USP15: variants seen among roughly 807,000 people sequenced by gnomAD.
USP15 encodes ubiquitin carboxyl-terminal hydrolase 15.
A neutral mutation model predicts 127.1 loss-of-function variants in USP15; 18 were observed. The observed-to-expected ratio is 0.14, with a 90% CI of 0.10 to 0.21. The LOEUF (loss-of-function observed/expected upper bound fraction) is 0.21. Ranked by LOEUF, USP15 falls within the 10% of genes least tolerant of loss-of-function variation. The probability of loss-of-function intolerance (pLI) is 1.00; values close to 1 mark genes in which losing one functional copy is unlikely to be tolerated. For missense variants in USP15, 805 were observed against 1,159.9 expected, an observed-to-expected ratio of 0.69 and a Z score of 4.44; for synonymous variants, 364 against 393.7, an observed-to-expected ratio of 0.92 and a Z score of 0.89.
intron 6 of USP15, among the ~76,000 whole-genome samples, chr12:62,342,499 A>T (rs1396945075): frequency 1.3e-5 from 2 of 151,928 alleles, no homozygotes; most frequent in African/African-American, 4.8e-5. Flanking sequence ...TGGCTTTTGG[A>T]ATTTTCAGCG....
chr12:62,287,485 G>T (rs763900269), intron 1 of USP15, among the ~76,000 whole-genome samples: 5 of 152,070 alleles, frequency 3.3e-5, no homozygotes, highest in Admixed American at 6.6e-5. Flanking sequence ...TTTGTTGGAG[G>T]CATAGATTAC....
intron 3 of USP15, among the ~76,000 whole-genome samples, chr12:62,310,103 T>A (rs1178363171): frequency 6.6e-6 from 1 of 152,020 alleles, no homozygotes; most frequent in Non-Finnish European, 1.5e-5. Flanking sequence ...TAGGTAAATT[T>A]AACAGGTTGC....
chr12:62,380,247 T>C (rs2137562751), intron 8 of USP15, among the ~76,000 whole-genome samples: 1 of 151,906 alleles, frequency 6.6e-6, no homozygotes, highest in East Asian at 1.9e-4. Flanking sequence ...ATAGAAAGTT[T>C]CTAAATAGAT....
rs200332560 is a variant in USP15, at chr12:62,410,848, T to G, written c.*6473T>G. On this transcript the variant is annotated 3_prime_UTR_variant, in exon 22 of 22. Transcript: ENST00000280377. ...GATGAGTCAAGTTAATATTTGTTTT[T>G]GTTTTTTTTTTTTTTTAATTTTGGG... 1.1e-5 allele frequency: 1 copy of G among 93,758 alleles called. No individual in the cohort carries two copies. Among genetic ancestry groups the G allele is most frequent in the African/African-American group, 3.6e-5 (1 of 28,156 alleles). The allele number at this position is 93,758 out of a possible 1,614,324, so 5.8% of individuals were successfully genotyped here. A position where few individuals can be genotyped will look rare whatever the true frequency, so the allele number is the denominator to read the frequency against.
intron 6 of USP15, among the ~76,000 whole-genome samples, chr12:62,331,775 T>C (rs2065310309): frequency 6.6e-6 from 1 of 152,130 alleles, no homozygotes; most frequent in Non-Finnish European, 1.5e-5. Context: ...AGTCATTTAG[T>C]TACAAAAAAA....
intron 1 of USP15, among the ~76,000 whole-genome samples, chr12:62,274,698 A>C (rs2063436797): frequency 6.6e-6 from 1 of 152,000 alleles, no homozygotes; most frequent in Non-Finnish European, 1.5e-5. Context: ...ACCCTGTCTC[A>C]AAGGAAGGAG....
Position 62,350,865 on chromosome 12 carries a change from A to G in USP15, c.770+1558A>G, listed in dbSNP as rs145154284. On this transcript the variant is annotated intron_variant, in intron 7 of 21. Transcript: ENST00000280377. The stretch of plus-strand genomic sequence containing the variant: ...GGTTTCGAACTCCTGGGCTCAAGCA[A>G]TCCTCCTGCCTCAGCCTCCCAAGTG... 3.8e-3 allele frequency among the ~76,000 whole-genome samples: 575 copies of G among 152,198 alleles called. 5 individuals carry two copies. Among genetic ancestry groups the G allele is most frequent in the African/African-American group, 0.013 (546 of 41,532 alleles).
At chr12:62,383,738 T>A (rs2067059228) in intron 9 of USP15, 102 bp from the exon 10 acceptor site, 1 of 1,308,194 alleles carries the variant, frequency 7.6e-7, no homozygotes, top group African/African-American at 1.5e-5. Context: ...AGCAGGCAAA[T>A]TCACAAATGT....
At chr12:62,360,483 C>T (rs964357995) in intron 8 of USP15, among the ~76,000 whole-genome samples, 1 of 151,962 alleles carries the variant, frequency 6.6e-6, no homozygotes, top group Non-Finnish European at 1.5e-5. Context: ...GATAGATCTT[C>T]ATTACATTGT....
chr12:62,370,336 G>A (rs1168477655), intron 8 of USP15, among the ~76,000 whole-genome samples: 1 of 152,120 alleles, frequency 6.6e-6, no homozygotes, highest in African/African-American at 2.4e-5. Context: ...GGAGACCCAT[G>A]ACCTTGAACA....
Position 62,391,471 on chromosome 12 carries a change from A to T in USP15, c.2233+42A>T, listed in dbSNP as rs117152329. On this transcript the variant is annotated intron_variant, in intron 16 of 21. Transcript: ENST00000280377. ...AATGGCTTGAACATTAAACAAGCCG[A>T]GCATGTTATTTTTTTTTTAGGTGAA... The T allele has an allele frequency of 5.7e-3, 8,911 of 1,570,106 alleles. 35 individuals are homozygous for T. The highest frequency in any genetic ancestry group is 6.5e-3 in the Non-Finnish European group (7,643 of 1,167,246).
At chr12:62,300,381 C>T (rs2064274756) in intron 2 of USP15, among the ~76,000 whole-genome samples, 1 of 152,014 alleles carries the variant, frequency 6.6e-6, no homozygotes, top group Admixed American at 6.6e-5. Context: ...TTAAGTTGTC[C>T]AGTAAGCTTT....
intron 4 of USP15, among the ~76,000 whole-genome samples, chr12:62,318,665 A>G (rs1244331369): frequency 6.6e-6 from 1 of 152,040 alleles, no homozygotes; most frequent in Non-Finnish European, 1.5e-5. Context: ...GTCTCCCATA[A>G]TTCCAGTTTG....
At position 62,303,084 on chromosome 12, in the gene USP15, G is replaced by A. The variant is rs187754378; in HGVS notation, c.348+164G>A. 7.3e-4 allele frequency: 503 copies of A among 686,648 alleles called. 1 individual carries two copies. The African/African-American group carries it at 8.4e-3, about 11-fold the overall frequency. 42.5% of individuals were successfully genotyped at this position (686,648 alleles called of 1,614,324 possible). ...TAATGGCAAGTAACATGTTAAGAAG[G>A]TTTACTTATGCTAGCCACTATTGTA... is the stretch of plus-strand genomic sequence containing the variant. On this transcript the variant is annotated intron_variant, in intron 3 of 21. Coordinates refer to ENST00000280377, the MANE Select transcript of USP15 (RefSeq NM_001252078.2).
chr12:62,269,534 T>C (rs2063293579), intron 1 of USP15, among the ~76,000 whole-genome samples: 1 of 152,070 alleles, frequency 6.6e-6, no homozygotes, highest in Non-Finnish European at 1.5e-5. Flanking sequence ...TTCCACTGCC[T>C]CATCCTCCCA....
At chr12:62,344,785 G>A (rs1273022380) in intron 6 of USP15, among the ~76,000 whole-genome samples, 2 of 152,116 alleles carry the variant, frequency 1.3e-5, no homozygotes, top group Non-Finnish European at 2.9e-5. Flanking sequence ...ACACACACAG[G>A]CCCAACACCA....
chr12:62,303,067 A>T, intron 3 of USP15, 147 bp downstream of exon 3: 1 of 844,824 alleles, frequency 1.2e-6, no homozygotes, highest in East Asian at 2.8e-5. Flanking sequence ...AATAATGGCA[A>T]GTAACATGTT....
At chr12:62,298,200 A>G (rs2064194390) in intron 2 of USP15, among the ~76,000 whole-genome samples, 1 of 152,164 alleles carries the variant, frequency 6.6e-6, no homozygotes, top group Non-Finnish European at 1.5e-5. Flanking sequence ...AGAAGGAGGA[A>G]AGTGAGAGGG....
chr12:62,300,080 A>G (rs2064262491), intron 2 of USP15, among the ~76,000 whole-genome samples: 1 of 151,880 alleles, frequency 6.6e-6, no homozygotes, highest in South Asian at 2.1e-4. Context: ...GATTTGCAAA[A>G]ATTTTTTCTT....
Sources: gnomAD v4.1 joint callset for allele counts (sites outside exome capture counted in the v4.1 genomes callset) on GRCh38, gnomAD v4.1.1 for gene constraint, MANE v1.5 for transcripts, NCBI Gene and HGNC (gene_info 2026-07-23, HGNC 2026-07-21) for gene names.